The following RGS6 variants were observed in gnomAD, a reference collection of about 807,000 sequenced individuals.
RGS6 encodes regulator of G-protein signaling 6.
A neutral mutation model predicts 78.5 loss-of-function variants in RGS6; 30 were observed. The ratio of observed to expected loss-of-function variants is 0.38; its 90% CI spans 0.29 to 0.52. The LOEUF is 0.52. RGS6 is among the 20% of genes least tolerant of loss of function. The probability of loss-of-function intolerance (pLI) is 0.85; values close to 1 mark genes in which losing one functional copy is unlikely to be tolerated. For synonymous variants in RGS6, 206 were observed against 206.0 expected (o/e 1.00, Z 0.00); for missense variants, 495 against 609.7 (o/e 0.81, Z 1.98).
the RGS6 span, among the ~76,000 whole-genome samples, chr14:71,873,010 A>G: frequency 2.6e-5 from 4 of 152,322 alleles, no homozygotes; most frequent in South Asian, 8.3e-4. Flanking sequence ...CATGGTGAAT[A>G]TGTGCCACAT....
the RGS6 span, among the ~76,000 whole-genome samples, chr14:72,607,636 A>G: frequency 6.6e-6 from 1 of 152,334 alleles, no homozygotes; most frequent in African/African-American, 2.4e-5. Flanking sequence ...TGTGCAGATG[A>G]AAGGCCTGAA....
intron 2 of RGS6, among the ~76,000 whole-genome samples, chr14:72,184,409 C>CACACACACACACACAA (rs2097212415): frequency 6.8e-6 from 1 of 146,094 alleles, no homozygotes; most frequent in African/African-American, 2.5e-5. Context: ...CACACACACA[C>CACACACACACACACAA]ACAGAAAGAG....
intron 2 of RGS6, among the ~76,000 whole-genome samples, chr14:72,291,842 G>T (rs941243082): frequency 1.3e-5 from 2 of 152,116 alleles, no homozygotes; most frequent in African/African-American, 4.8e-5. Context: ...AGTACTGAGC[G>T]CAATAGAAAG....
chr14:72,362,172 G>A (rs1338084334), intron 3 of RGS6, among the ~76,000 whole-genome samples: 2 of 152,134 alleles, frequency 1.3e-5, no homozygotes, highest in Non-Finnish European at 2.9e-5. Context: ...CTTGACCCCT[G>A]CTCTTAAAAA....
the RGS6 span, among the ~76,000 whole-genome samples, chr14:72,590,242 C>T: frequency 8.9e-4 from 136 of 152,312 alleles, 1 homozygote; most frequent in African/African-American, 2.8e-3. Context: ...GTTCTCATAA[C>T]GTGAAACAGC....
At chr14:71,904,366 A>G in the RGS6 span, among the ~76,000 whole-genome samples, 1 of 152,254 alleles carries the variant, frequency 6.6e-6, no homozygotes, top group African/African-American at 2.4e-5. Flanking sequence ...TACTCCAATT[A>G]GAGGTAGCCC....
chr14:72,525,669 G>T (rs2097107808), intron 15 of RGS6, among the ~76,000 whole-genome samples: 1 of 152,226 alleles, frequency 6.6e-6, no homozygotes, highest in Admixed American at 6.5e-5. Context: ...TTATTCAGAA[G>T]TAGAAGTCTT....
rs767593800 is a variant in RGS6 at position 72,562,685 on chromosome 14, C to A, written c.*218C>A. ...GCCTGGGCTGGGCCCGGTGGAGGCT[C>A]CTGTTTACAGCCCTCTCTTCTTTGT... is the stretch of plus-strand genomic sequence containing the variant. On this transcript the variant is annotated 3_prime_UTR_variant, in exon 18 of 18. Coordinates refer to ENST00000553525, the MANE Select transcript of RGS6 (RefSeq NM_001204424.2). The A allele has an allele frequency of 6.5e-7, 1 of 1,536,170 alleles. No homozygotes were observed. The highest frequency in any genetic ancestry group is 1.2e-5 in the South Asian group (1 of 84,050).
intron 13 of RGS6, among the ~76,000 whole-genome samples, chr14:72,504,721 C>CCTCCCCTCCT (rs1453024225): frequency 1.3e-5 from 2 of 149,476 alleles, no homozygotes; most frequent in South Asian, 4.3e-4. Flanking sequence ...CCTCCTCTCC[C>CCTCCCCTCCT]CTCCCCTCCT....
At chr14:71,977,998 C>T (rs1443002687) in intron 2 of RGS6, among the ~76,000 whole-genome samples, 3 of 151,376 alleles carry the variant, frequency 2.0e-5, no homozygotes, top group Non-Finnish European at 4.4e-5. Context: ...AAGTTGGATT[C>T]CTAGGTATTT....
chr14:71,971,828 T>C (rs1025527328), intron 2 of RGS6, among the ~76,000 whole-genome samples: 4 of 151,864 alleles, frequency 2.6e-5, no homozygotes, highest in Non-Finnish European at 4.4e-5. Flanking sequence ...ACTCGGTTCT[T>C]CGTTGGCTGT....
At chr14:72,261,785 A>C (rs2058211318) in intron 2 of RGS6, among the ~76,000 whole-genome samples, 1 of 152,184 alleles carries the variant, frequency 6.6e-6, no homozygotes, top group South Asian at 2.1e-4. Flanking sequence ...TGTAGCCAAA[A>C]GTCAAAATCA....
chr14:71,981,512 C>CCCGG (rs1224773010), intron 2 of RGS6, among the ~76,000 whole-genome samples: 1 of 151,474 alleles, frequency 6.6e-6, no homozygotes, highest in African/African-American at 2.4e-5. Flanking sequence ...TGTTGGAATA[C>CCCGG]CCGGCCGTGT....
chr14:72,172,549 C>A (rs2153685062), intron 2 of RGS6, among the ~76,000 whole-genome samples: 1 of 152,118 alleles, frequency 6.6e-6, no homozygotes, highest in African/African-American at 2.4e-5. Context: ...GTGTGTAATT[C>A]AGGTGGTATT....
chr14:72,531,614 T>A (rs2097183959), intron 15 of RGS6, among the ~76,000 whole-genome samples: 1 of 152,154 alleles, frequency 6.6e-6, no homozygotes, highest in Non-Finnish European at 1.5e-5. Flanking sequence ...CAAGAGGGCC[T>A]CACATGTGAC....
intron 2 of RGS6, among the ~76,000 whole-genome samples, chr14:72,149,926 A>G (rs1374065012): frequency 6.6e-6 from 1 of 152,184 alleles, no homozygotes; most frequent in East Asian, 1.9e-4. Context: ...GATTAAGATA[A>G]GAATCTTGGT....
intron 2 of RGS6, among the ~76,000 whole-genome samples, chr14:72,182,450 A>AAT: frequency 6.6e-6 from 1 of 151,418 alleles, no homozygotes; most frequent in South Asian, 2.1e-4. Flanking sequence ...GCAAGAAAGT[A>AAT]AGAAAGAATA....
At chr14:72,402,674 A>G (rs1183471558) in intron 3 of RGS6, among the ~76,000 whole-genome samples, 5 of 152,136 alleles carry the variant, frequency 3.3e-5, no homozygotes, top group Admixed American at 3.3e-4. Flanking sequence ...TAGTACAGCC[A>G]CTATGGAGAA....
intron 3 of RGS6, among the ~76,000 whole-genome samples, chr14:72,433,217 T>A (rs572117735): frequency 6.6e-6 from 1 of 152,020 alleles, no homozygotes; most frequent in East Asian, 1.9e-4. Context: ...AAATCACAGG[T>A]TGAAACTAGA....
Sources: gnomAD v4.1 joint callset for allele counts (sites outside exome capture counted in the v4.1 genomes callset) on GRCh38, gnomAD v4.1.1 for gene constraint, MANE v1.5 for transcripts, NCBI Gene and HGNC (gene_info 2026-07-23, HGNC 2026-07-21) for gene names.